EXT1: variants seen among roughly 807,000 people sequenced by gnomAD.
EXT1 encodes the protein exostosin-1.
Under a neutral mutation model 82.5 loss-of-function variants are expected in EXT1, and 20 were observed. That is an observed-to-expected ratio of 0.24 (90% confidence interval 0.17 to 0.35). The LOEUF is 0.35. Ranked by LOEUF, EXT1 falls within the 10% of genes least tolerant of loss-of-function variation. The pLI is 1.00. For missense variants in EXT1, 757 were observed against 936.5 expected (o/e 0.81, Z 2.50); for synonymous variants, 348 against 350.8 (o/e 0.99, Z 0.09).
chr8:118,031,682 C>T (rs369901765), intron 1 of EXT1, among the ~76,000 whole-genome samples: 37 of 152,072 alleles, frequency 2.4e-4, no homozygotes, highest in African/African-American at 7.7e-4. Context: ...TGAAGACACA[C>T]ATCTCTGTCC....
chr8:117,982,685 G>C (rs1815234645), intron 1 of EXT1, among the ~76,000 whole-genome samples: 1 of 151,934 alleles, frequency 6.6e-6, no homozygotes, highest in African/African-American at 2.4e-5. Flanking sequence ...TGGTGGAGAC[G>C]GGGTTTCACC....
At chr8:117,828,506 TAA>T (rs1227529302) in intron 4 of EXT1, among the ~76,000 whole-genome samples, 1 of 136,286 alleles carries the variant, frequency 7.3e-6, no homozygotes. Context: ...AGATCCTGTC[TAA>T]AAAAAAAAAA....
chr8:117,882,899 C>A (rs1230367183), intron 1 of EXT1, among the ~76,000 whole-genome samples: 2 of 150,376 alleles, frequency 1.3e-5, no homozygotes, highest in Admixed American at 1.3e-4. Flanking sequence ...ATCGCTTGAA[C>A]TGGGGAGACA....
chr8:117,848,238 AG>A (rs1812397099), intron 1 of EXT1, among the ~76,000 whole-genome samples: 1 of 152,186 alleles, frequency 6.6e-6, no homozygotes, highest in African/African-American at 2.4e-5. Context: ...TTATGGTTGA[AG>A]ATTTGATGCC....
intron 1 of EXT1, among the ~76,000 whole-genome samples, chr8:117,985,786 TTAAGA>T (rs1287879261): frequency 6.6e-6 from 1 of 152,246 alleles, no homozygotes; most frequent in Non-Finnish European, 1.5e-5. Context: ...TTATGTGAAC[TTAAGA>T]TAATATCAAT....
At chr8:117,825,268 T>G (rs1442092633) in intron 4 of EXT1, among the ~76,000 whole-genome samples, 9 of 152,230 alleles carry the variant, frequency 5.9e-5, no homozygotes, top group Non-Finnish European at 1.3e-4. Flanking sequence ...TATATCAACT[T>G]GCCTTCTAAA....
At position 118,110,049 on chromosome 8, in the gene EXT1, G is replaced by T. The variant is rs369770190; in HGVS notation, c.962+36C>A. ...TGGACCAAGGCCGGCAGAGCCCAAG[G>T]CTGACTCCCAAAGACACGCCAGCCC... On this transcript the variant is annotated intron_variant, in intron 1 of 10. Transcript: ENST00000378204. The T allele has an allele frequency of 9.9e-6, 16 of 1,612,724 alleles. No individual in the cohort carries two copies. The African/African-American group carries it at 1.9e-4, about 19-fold the overall frequency.
At chr8:118,070,721 A>C (rs1817074999) in intron 1 of EXT1, among the ~76,000 whole-genome samples, 1 of 152,204 alleles carries the variant, frequency 6.6e-6, no homozygotes, top group East Asian at 1.9e-4. Context: ...GAATCACAAG[A>C]ATAGCAGACA....
At chr8:117,836,242 C>A (rs1371296101) in intron 2 of EXT1, among the ~76,000 whole-genome samples, 1 of 152,162 alleles carries the variant, frequency 6.6e-6, no homozygotes, top group Non-Finnish European at 1.5e-5. Context: ...CTTTATGCAG[C>A]ATCCCAGGAG....
intron 1 of EXT1, among the ~76,000 whole-genome samples, chr8:118,064,041 A>G (rs551585381): frequency 2.0e-5 from 3 of 151,776 alleles, no homozygotes; most frequent in Non-Finnish European, 2.9e-5. Context: ...TAATTTTTGT[A>G]TTTTAGTAGA....
At chr8:117,999,413 T>G (rs1241565444) in intron 1 of EXT1, among the ~76,000 whole-genome samples, 1 of 152,234 alleles carries the variant, frequency 6.6e-6, no homozygotes, top group African/African-American at 2.4e-5. Context: ...ACATACTATT[T>G]ATTACCTTTG....
rs17477189 is a variant in EXT1 at position 118,083,749 on chromosome 8, G to A, written c.962+26336C>T. ...GGTCTCAATAAGAAAAGAGGGAGGC[G>A]GGGCGCAGTAGCTCATGCCTGTAAT... On this transcript the variant is annotated intron_variant, in intron 1 of 10. Coordinates refer to ENST00000378204, the MANE Select transcript of EXT1 (RefSeq NM_000127.3). Among the ~76,000 whole-genome samples the A allele has an allele frequency of 4.7e-3, 721 of 152,198 alleles. 5 individuals carry two copies. Among genetic ancestry groups the A allele is most frequent in the African/African-American group, 0.016 (677 of 41,546 alleles).
chr8:117,968,553 A>ATTT (rs1182180428), intron 1 of EXT1, among the ~76,000 whole-genome samples: 42 of 9,276 alleles, frequency 4.5e-3, no homozygotes, highest in Admixed American at 5.1e-3. Flanking sequence ...TTATTTATTT[A>ATTT]TTTTTTTTTT....
At chr8:118,051,477 A>G (rs1236950286) in intron 1 of EXT1, among the ~76,000 whole-genome samples, 1 of 152,226 alleles carries the variant, frequency 6.6e-6, no homozygotes, top group Non-Finnish European at 1.5e-5. Context: ...TTAAACAAAA[A>G]TTGAATAAAG....
intron 1 of EXT1, among the ~76,000 whole-genome samples, chr8:117,944,867 A>T (rs1586300987): frequency 6.6e-6 from 1 of 152,232 alleles, no homozygotes; most frequent in South Asian, 2.1e-4. Flanking sequence ...AGTGCTAAAA[A>T]AATAGATCAT....
intron 1 of EXT1, among the ~76,000 whole-genome samples, chr8:118,106,507 T>C (rs1319114313): frequency 6.6e-6 from 1 of 152,206 alleles, no homozygotes; most frequent in East Asian, 1.9e-4. Flanking sequence ...GATGGTGAGG[T>C]ACAGTGTTAG....
At chr8:117,811,579 T>C (rs945317084) in intron 8 of EXT1, among the ~76,000 whole-genome samples, 5 of 152,112 alleles carry the variant, frequency 3.3e-5, no homozygotes, top group Non-Finnish European at 5.9e-5. Context: ...ATAACATCTA[T>C]GCAACTCTAT....
At chr8:117,975,820 T>C (rs1392791290) in intron 1 of EXT1, among the ~76,000 whole-genome samples, 1 of 152,228 alleles carries the variant, frequency 6.6e-6, no homozygotes, top group Non-Finnish European at 1.5e-5. Flanking sequence ...CCTTGCTCTG[T>C]AGTTTTACCT....
chr8:117,824,097 A>T (rs1032133688), intron 4 of EXT1, among the ~76,000 whole-genome samples: 1 of 149,252 alleles, frequency 6.7e-6, no homozygotes, highest in Non-Finnish European at 1.5e-5. Context: ...TTCTCTTTAG[A>T]TCCTCCTTTT....
Sources: gnomAD v4.1 joint callset for allele counts (sites outside exome capture counted in the v4.1 genomes callset) on GRCh38, gnomAD v4.1.1 for gene constraint, MANE v1.5 for transcripts, NCBI Gene and HGNC (gene_info 2026-07-23, HGNC 2026-07-21) for gene names.